Variants in CSPP1 observed in about 807,000 individuals in gnomAD.
The protein encoded by CSPP1 is centrosome and spindle pole associated protein 1.
A neutral mutation model predicts 164.4 loss-of-function variants in CSPP1; 126 were observed. That is an observed-to-expected ratio of 0.77 (90% confidence interval 0.66 to 0.89). CSPP1 has a LOEUF of 0.89. CSPP1 is among the 40% of genes least tolerant of loss of function. The pLI, the probability that CSPP1 is intolerant of heterozygous loss-of-function variation, is 0.00. For missense variants in CSPP1, 1,395 were observed against 1,449.8 expected (o/e 0.96, Z 0.61); for synonymous variants, 472 against 476.7 (o/e 0.99, Z 0.13).
intron 27 of CSPP1, among the ~76,000 whole-genome samples, chr8:67,179,608 G>A (rs940016299): frequency 6.6e-6 from 1 of 152,172 alleles, no homozygotes; most frequent in Non-Finnish European, 1.5e-5. Context: ...TGGAGCTAGG[G>A]AGTAAATGTG....
At chr8:67,092,549 T>C (rs1361469141) in intron 5 of CSPP1, among the ~76,000 whole-genome samples, 1 of 152,182 alleles carries the variant, frequency 6.6e-6, no homozygotes, top group Admixed American at 6.5e-5. Flanking sequence ...GCGATTCTCC[T>C]GCATCAGCCT....
chr8:67,118,178 G>A, intron 13 of CSPP1, 70 bp from the exon 14 acceptor site: 2 of 1,531,156 alleles, frequency 1.3e-6, no homozygotes, highest in Non-Finnish European at 1.8e-6. Flanking sequence ...TTGCAAAAGA[G>A]TAACATCTTG....
At chr8:67,072,869 C>CAAAAAAAAAAAAAAAAAAAAAAAA in intron 1 of CSPP1, among the ~76,000 whole-genome samples, 1 of 59,284 alleles carries the variant, frequency 1.7e-5, no homozygotes, top group Non-Finnish European at 3.9e-5. Context: ...GAGCCTGTCT[C>CAAAAAAAAAAAAAAAAAAAAAAAA]AAAAAAAAAA....
At chr8:67,065,809 C>T (rs904889932) in intron 1 of CSPP1, among the ~76,000 whole-genome samples, 2 of 152,158 alleles carry the variant, frequency 1.3e-5, no homozygotes, top group South Asian at 2.1e-4. Context: ...AATTACGGCC[C>T]TGAGCCATTG....
Position 67,127,334 on chromosome 8 carries a change from G to A in CSPP1, c.1698-4617G>A, listed in dbSNP as rs35775645. 7.1e-3 allele frequency among the ~76,000 whole-genome samples: 1,076 copies of A among 152,282 alleles called. 8 individuals carry two copies. The highest frequency in any genetic ancestry group is 0.011 in the Non-Finnish European group (769 of 68,030). On this transcript the variant is annotated intron_variant, in intron 15 of 30. Transcript: ENST00000678616. Reference sequence around the variant, plus strand: ...AAGGTGTCAGCAGATTTGGTTCCTAGTGAGGGCCCTTTTCCTGGCTTTGTC... The same window carrying A: ...AAGGTGTCAGCAGATTTGGTTCCTAATGAGGGCCCTTTTCCTGGCTTTGTC...
chr8:67,133,856 A>G (rs1355273713), intron 16 of CSPP1: 1 of 152,210 alleles, frequency 6.6e-6, no homozygotes, highest in Non-Finnish European at 1.5e-5. Flanking sequence ...TGTTCACAAC[A>G]TCTTTACCAA....
Position 67,095,417 on chromosome 8 carries a change from A to T in CSPP1, c.608A>T (p.Tyr203Phe). The part of the protein sequence containing the change: ...RKDVLTPSEA[Y>F]EELLNQRRLE... ...GATGTCTTAACTCCTTCAGAGGCATATGAAGAACTTCTGAACCAAAGACGA... is the reference window on the plus strand; with the variant it reads ...GATGTCTTAACTCCTTCAGAGGCATTTGAAGAACTTCTGAACCAAAGACGA... Residue 203 changes from tyrosine to phenylalanine, a missense_variant, in exon 7 of 31, where the codon TAT (tyrosine) becomes TTT (phenylalanine). By Grantham distance (22) the Tyr-to-Phe change is conservative. Transcript: ENST00000678616. 6.2e-7 allele frequency: 1 copy of T among 1,613,034 alleles called. No individual in the cohort carries two copies. Among genetic ancestry groups the T allele is most frequent in the Non-Finnish European group, 8.5e-7 (1 of 1,179,344 alleles).
At chr8:67,100,067 C>CT (rs1234206365) in intron 7 of CSPP1, among the ~76,000 whole-genome samples, 1 of 152,058 alleles carries the variant, frequency 6.6e-6, no homozygotes, top group Non-Finnish European at 1.5e-5. Flanking sequence ...TATTTCTGCT[C>CT]TTTTTTAGCC....
chr8:67,091,561 A>G (rs547949543), intron 4 of CSPP1, among the ~76,000 whole-genome samples: 33 of 152,322 alleles, frequency 2.2e-4, no homozygotes, highest in Admixed American at 6.5e-4. Context: ...TATATATTGC[A>G]CATGAAAATT....
intron 25 of CSPP1, 131 bp downstream of exon 25, chr8:67,172,686 A>G (rs1830711000): frequency 2.6e-6 from 2 of 777,030 alleles, no homozygotes; most frequent in African/African-American, 3.5e-5. Context: ...TTAAAATGAA[A>G]TGAAACTTAT....
rs747551347 is a variant in CSPP1, at chr8:67,159,069, G to C, written c.2470G>C (p.Glu824Gln). 3 of 1,612,798 alleles carry C rather than the reference G, an allele frequency of 1.9e-6. No individual in the cohort carries two copies. The East Asian group carries it at 6.7e-5, about 36-fold the overall frequency. ...AGCAGAAAGAAAGAAGAAAGAAGAA[G>C]AAGAAAAATATAACCTGCAACTTCA... ...KEAERKKKEE[E>Q]EKYNLQLQHY... The change falls in exon 21 of 31, where the codon GAA (glutamate) becomes CAA (glutamine). Residue 824 changes from glutamate (E) to glutamine (Q), a missense_variant. Physicochemically the swap from Glu to Gln is conservative, Grantham distance 29. Coordinates refer to ENST00000678616, the MANE Select transcript of CSPP1 (RefSeq NM_001382391.1).
Position 67,113,319 on chromosome 8 carries a change from T to G in CSPP1, c.1188-486T>G, listed in dbSNP as rs568657426. On this transcript the variant is annotated intron_variant, in intron 10 of 30. Transcript: ENST00000678616. ...TTGAGAGAATTTGAGACCTGTTATC[T>G]CTTAGTTTTTGCCTTTTTTCCCTCT... 5.3e-5 allele frequency among the ~76,000 whole-genome samples: 8 copies of G among 152,286 alleles called. No homozygotes were observed. In the South Asian group the frequency reaches 1.5e-3, roughly 28 times the overall value.
intron 4 of CSPP1, among the ~76,000 whole-genome samples, chr8:67,091,474 T>C (rs1811594006): frequency 6.6e-6 from 1 of 152,240 alleles, no homozygotes; most frequent in Admixed American, 6.5e-5. Context: ...AGAGCACTGA[T>C]AATGAAGAGT....
At chr8:67,121,908 A>G (rs1346801353) in intron 15 of CSPP1, among the ~76,000 whole-genome samples, 1 of 152,076 alleles carries the variant, frequency 6.6e-6, no homozygotes, top group Non-Finnish European at 1.5e-5. Context: ...ATTTCTAGGA[A>G]TTTGTCCATC....
At chr8:67,094,887 C>T (rs902358451) in intron 6 of CSPP1, among the ~76,000 whole-genome samples, 2 of 152,126 alleles carry the variant, frequency 1.3e-5, no homozygotes, top group African/African-American at 4.8e-5. Context: ...TCACCCTAGA[C>T]TAGTTTACAT....
intron 29 of CSPP1, among the ~76,000 whole-genome samples, chr8:67,193,038 T>G (rs1836832117): frequency 6.6e-6 from 1 of 152,234 alleles, no homozygotes; most frequent in Non-Finnish European, 1.5e-5. Context: ...ATAGGAGCCA[T>G]AATATACGTG....
intron 13 of CSPP1, 137 bp downstream of exon 13, chr8:67,116,259 T>C (rs1817910578): frequency 4.9e-6 from 3 of 607,056 alleles, no homozygotes; most frequent in Non-Finnish European, 8.4e-6. Flanking sequence ...ATAAATTCTC[T>C]TGAAATTTGT....
intron 3 of CSPP1, among the ~76,000 whole-genome samples, chr8:67,078,853 A>G (rs1808516677): frequency 6.6e-6 from 1 of 152,020 alleles, no homozygotes; most frequent in Non-Finnish European, 1.5e-5. Context: ...CAGGCCTATA[A>G]TCCTAGCTAC....
intron 24 of CSPP1, among the ~76,000 whole-genome samples, chr8:67,166,727 G>GTTTTTT (rs199739810): frequency 7.0e-6 from 1 of 142,398 alleles, no homozygotes; most frequent in Non-Finnish European, 1.5e-5. Context: ...CAGTTTAACG[G>GTTTTTT]TTTTTTTTTT....
Sources: allele counts gnomAD v4.1 joint callset (sites outside exome capture counted in the v4.1 genomes callset), GRCh38; gene constraint gnomAD v4.1.1; transcripts MANE v1.5; gene names NCBI Gene and HGNC (gene_info 2026-07-23, HGNC 2026-07-21).